APIP: variants seen among roughly 807,000 people sequenced by gnomAD.
The protein encoded by APIP is methylthioribulose-1-phosphate dehydratase.
APIP carries 32 observed loss-of-function variants against 32.0 expected under a neutral mutation model. That is an observed-to-expected ratio of 1.00 (90% CI 0.76 to 1.34). The LOEUF (loss-of-function observed/expected upper bound fraction) is 1.34. Ranked by LOEUF, APIP falls within the 40% of genes most tolerant of loss-of-function variation. The pLI is 0.00. For synonymous variants in APIP, 92 were observed against 94.8 expected, an observed-to-expected ratio of 0.97 and a Z score of 0.17; for missense variants, 247 against 298.6, an observed-to-expected ratio of 0.83 and a Z score of 1.27.
At chr11:34,911,598 G>C (rs1240636229) in intron 1 of APIP, among the ~76,000 whole-genome samples, 1 of 152,118 alleles carries the variant, frequency 6.6e-6, no homozygotes, top group Non-Finnish European at 1.5e-5. Context: ...TTAAAATCAA[G>C]AGATTTCATA....
At chr11:34,914,170 T>A (rs1259503787) in intron 1 of APIP, among the ~76,000 whole-genome samples, 1 of 152,220 alleles carries the variant, frequency 6.6e-6, no homozygotes, top group Non-Finnish European at 1.5e-5. Flanking sequence ...TACCTTGAAC[T>A]TTCCCATCTA....
In APIP at chr11:34,905,836, G is replaced by A. The variant is rs117902294; in HGVS notation, c.57+10392C>T. 3.5e-4 allele frequency among the ~76,000 whole-genome samples: 53 copies of A among 152,256 alleles called. No homozygotes were observed. In the East Asian group the frequency reaches 8.7e-3, roughly 25 times the overall value. On this transcript the variant is annotated intron_variant, in intron 1 of 6. Coordinates refer to ENST00000395787, the MANE Select transcript of APIP (RefSeq NM_015957.4). ...ATGCCCCCTCATGGAATTCCAGACCGTTGTATCATGTTTGCTAATAGTAGC... is the reference window on the plus strand; with the variant it reads ...ATGCCCCCTCATGGAATTCCAGACCATTGTATCATGTTTGCTAATAGTAGC...
chr11:34,894,975 A>G (rs1030468887), intron 2 of APIP, 35 bp downstream of exon 2: 2 of 1,552,714 alleles, frequency 1.3e-6, no homozygotes, highest in Non-Finnish European at 1.8e-6. Flanking sequence ...ACTCAAATGG[A>G]GAGTTCCCAG....
At chr11:34,887,196 C>T (rs1050602504) in intron 5 of APIP, among the ~76,000 whole-genome samples, 9 of 93,268 alleles carry the variant, frequency 9.6e-5, no homozygotes, top group Admixed American at 4.3e-4. Flanking sequence ...CACAAAATTG[C>T]AAAGACTCTC....
chr11:34,898,401 G>A (rs970134145), intron 1 of APIP, among the ~76,000 whole-genome samples: 1 of 152,040 alleles, frequency 6.6e-6, no homozygotes, highest in East Asian at 1.9e-4. Context: ...TTCCTTTCAC[G>A]GGGAAACCTT....
intron 5 of APIP, among the ~76,000 whole-genome samples, chr11:34,884,705 C>A (rs1158174504): frequency 6.8e-6 from 1 of 146,508 alleles, no homozygotes; most frequent in Non-Finnish European, 1.5e-5. Context: ...GCCTTGGCGA[C>A]AGAGCCAGAC....
At chr11:34,890,655 A>G in intron 2 of APIP, 103 bp from the exon 3 acceptor site, 1 of 1,205,446 alleles carries the variant, frequency 8.3e-7, no homozygotes, top group East Asian at 2.5e-5. Flanking sequence ...ATCAAGCAAT[A>G]CAGCCAGTTG....
intron 1 of APIP, among the ~76,000 whole-genome samples, chr11:34,899,637 C>T (rs1306753855): frequency 1.3e-5 from 2 of 152,120 alleles, no homozygotes; most frequent in African/African-American, 4.8e-5. Context: ...GGGAGGTACA[C>T]AGGTCGCAGA....
chr11:34,888,046 A>T (rs550867352), intron 5 of APIP, among the ~76,000 whole-genome samples: 18 of 152,218 alleles, frequency 1.2e-4, no homozygotes, highest in African/African-American at 4.3e-4. Context: ...GATTTTTTTC[A>T]GTTTAAACAA....
intron 5 of APIP, among the ~76,000 whole-genome samples, chr11:34,885,746 C>A (rs1381738459): frequency 6.6e-6 from 1 of 152,168 alleles, no homozygotes; most frequent in Admixed American, 6.5e-5. Flanking sequence ...TGAGTTTGCT[C>A]ACATCCTGCA....
chr11:34,915,783 G>C (rs3763933), intron 1 of APIP: 37 of 200,696 alleles, frequency 1.8e-4, no homozygotes, highest in Non-Finnish European at 4.0e-5. Context: ...GCACAGCTCC[G>C]GTTCGGCAAA....
intron 1 of APIP, among the ~76,000 whole-genome samples, chr11:34,912,798 G>C (rs187807057): frequency 7.2e-5 from 11 of 152,256 alleles, no homozygotes; most frequent in African/African-American, 2.6e-4. Flanking sequence ...GCGGGATCTT[G>C]GGTTCACGTG....
chr11:34,895,248 T>C, intron 1 of APIP, 138 bp from the exon 2 acceptor site: 1 of 712,796 alleles, frequency 1.4e-6, no homozygotes, highest in East Asian at 2.7e-5. Context: ...AGGAAAAAAC[T>C]ATTACAAACA....
intron 1 of APIP, among the ~76,000 whole-genome samples, chr11:34,897,041 GA>G (rs1349481841): frequency 2.6e-5 from 4 of 152,134 alleles, no homozygotes; most frequent in African/African-American, 4.8e-5. Flanking sequence ...GGTAAAGGGG[GA>G]AAAACATCTT....
At chr11:34,907,214 A>G (rs1025564790) in intron 1 of APIP, among the ~76,000 whole-genome samples, 4 of 152,186 alleles carry the variant, frequency 2.6e-5, no homozygotes, top group African/African-American at 9.7e-5. Context: ...AGCCCAAATT[A>G]CCTATGCCTG....
In APIP at chr11:34,888,308, G is replaced by C; in HGVS notation, c.446C>G (p.Ser149Cys). ...AAAAAAATACCTATAATACCCTCCG[G>C]AAGTACATTTCTTTATTCCTTTTAT... Reference protein sequence around the residue: ...EMIKGIKKCTSGGYYRYDDML... With the variant: ...EMIKGIKKCTCGGYYRYDDML... The change falls in exon 5 of 7, where the codon TCC (serine) becomes TGC (cysteine). Residue 149 changes from serine (S) to cysteine (C), a missense_variant. Transcript: ENST00000395787. 6.3e-7 allele frequency: 1 copy of C among 1,596,330 alleles called. No individual in the cohort carries two copies. The highest frequency in any genetic ancestry group is 8.5e-7 in the Non-Finnish European group (1 of 1,174,390).
chr11:34,883,240 G>A, intron 6 of APIP, 97 bp downstream of exon 6: 1 of 1,274,806 alleles, frequency 7.8e-7, no homozygotes, highest in Non-Finnish European at 1.1e-6. Flanking sequence ...TACAAATAAT[G>A]ATAAACAATT....
intron 2 of APIP, 119 bp from the exon 3 acceptor site, chr11:34,890,671 T>C: frequency 9.6e-7 from 1 of 1,045,332 alleles, no homozygotes; most frequent in South Asian, 1.6e-5. Context: ...AGTTGCTTGA[T>C]TTAATTATGG....
intron 1 of APIP, among the ~76,000 whole-genome samples, chr11:34,898,786 G>GTTTTTTTTT (rs57593563): frequency 3.6e-5 from 2 of 55,166 alleles, no homozygotes; most frequent in African/African-American, 1.7e-4. Flanking sequence ...TCTTTCTTTG[G>GTTTTTTTTT]TTTTTTTTTT....
Sources: gnomAD v4.1 joint callset for allele counts (sites outside exome capture counted in the v4.1 genomes callset) on GRCh38, gnomAD v4.1.1 for gene constraint, MANE v1.5 for transcripts, NCBI Gene and HGNC (gene_info 2026-07-23, HGNC 2026-07-21) for gene names.